The following CLIP1 variants were observed in gnomAD, a reference collection of about 807,000 sequenced individuals.
CLIP1 encodes the protein CAP-Gly domain-containing linker protein 1.
In CLIP1, 66 loss-of-function variants were observed where a neutral mutation model predicts 161.6. That is an observed-to-expected ratio of 0.41 (90% CI 0.33 to 0.50). The LOEUF (loss-of-function observed/expected upper bound fraction) is 0.50. Among genes scored for constraint, CLIP1 ranks in the 20% least tolerant of loss-of-function variants. The pLI, the probability that CLIP1 is intolerant of heterozygous loss-of-function variation, is 0.27. For missense variants in CLIP1, 1,376 were observed against 1,702.0 expected (o/e 0.81, Z 3.37); for synonymous variants, 598 against 626.2 (o/e 0.96, Z 0.67).
chr12:122,381,389 T>C (rs61954422), intron 1 of CLIP1, among the ~76,000 whole-genome samples: 19,819 of 152,136 alleles, frequency 0.13, 1,671 homozygotes, highest in East Asian at 0.45. Flanking sequence ...TGAGGGAAAA[T>C]TACCTTGTTT....
intron 1 of CLIP1, among the ~76,000 whole-genome samples, chr12:122,397,056 G>A (rs1184998595): frequency 7.5e-5 from 11 of 146,246 alleles, no homozygotes; most frequent in Non-Finnish European, 1.0e-4. Flanking sequence ...TGGGATTACA[G>A]GCGTAAGCCA....
rs1422268493 is a variant in CLIP1, at chr12:122,410,446, G to GAC, written c.-107+12073_-107+12074dup. On this transcript the variant is annotated intron_variant, in intron 1 of 25. Transcript: ENST00000620786. ...ACACACACACATATATATACACACA[G>GAC]ACACACACACACTTTTTTTTTTTTT... Among the ~76,000 whole-genome samples, 4 of 145,358 alleles carry GAC rather than the reference G, an allele frequency of 2.8e-5. No homozygotes were observed. In the South Asian group the frequency reaches 8.6e-4, roughly 31 times the overall value.
intron 1 of CLIP1, among the ~76,000 whole-genome samples, chr12:122,417,277 CA>C (rs1353141077): frequency 2.0e-5 from 3 of 151,888 alleles, no homozygotes; most frequent in African/African-American, 7.3e-5. Flanking sequence ...GCCTGGGGGA[CA>C]AAAACAAGAT....
intron 12 of CLIP1, 149 bp downstream of exon 12, chr12:122,336,483 C>T (rs1952228634): frequency 9.1e-6 from 5 of 546,844 alleles, no homozygotes; most frequent in Non-Finnish European, 1.6e-5. Flanking sequence ...CCTCAAAGGA[C>T]AATATTTATC....
chr12:122,403,494 G>GTTTTT (rs1036910823), intron 1 of CLIP1, among the ~76,000 whole-genome samples: 3 of 55,810 alleles, frequency 5.4e-5, no homozygotes, highest in Admixed American at 2.7e-4. Context: ...ATCATTTCTT[G>GTTTTT]TTTTGTTTTT....
At chr12:122,304,273 G>C (rs1029944438) in intron 20 of CLIP1, among the ~76,000 whole-genome samples, 2 of 152,228 alleles carry the variant, frequency 1.3e-5, no homozygotes, top group Non-Finnish European at 2.9e-5. Flanking sequence ...AAATTCTCAG[G>C]ATTTTGCTGT....
chr12:122,326,397 T>C (rs1951713215), intron 17 of CLIP1, among the ~76,000 whole-genome samples: 1 of 152,164 alleles, frequency 6.6e-6, no homozygotes, highest in Admixed American at 6.6e-5. Context: ...CTTGTGAGAC[T>C]GGCCAGGAAC....
At chr12:122,307,562 T>A (rs949457322) in intron 20 of CLIP1, among the ~76,000 whole-genome samples, 10 of 152,232 alleles carry the variant, frequency 6.6e-5, no homozygotes, top group African/African-American at 2.2e-4. Flanking sequence ...AAAATTATTT[T>A]TTTTAAATAG....
chr12:122,361,499 C>A (rs1184912653), intron 4 of CLIP1, among the ~76,000 whole-genome samples: 1 of 152,204 alleles, frequency 6.6e-6, no homozygotes, highest in African/African-American at 2.4e-5. Flanking sequence ...ATAGAACAAG[C>A]CCATTTAATA....
At chr12:122,370,088 T>C (rs1954364037) in intron 3 of CLIP1, among the ~76,000 whole-genome samples, 1 of 150,886 alleles carries the variant, frequency 6.6e-6, no homozygotes, top group South Asian at 2.1e-4. Flanking sequence ...GCTTGAGCCC[T>C]GTAGGCAGAG....
intron 21 of CLIP1, among the ~76,000 whole-genome samples, chr12:122,285,300 CACT>C (rs899984514): frequency 7.3e-5 from 11 of 150,826 alleles, no homozygotes; most frequent in Non-Finnish European, 1.3e-4. Context: ...GATCTCGGCT[CACT>C]ACAACCTCCA....
At position 122,320,074 on chromosome 12, in the gene CLIP1, A is replaced by AC. The variant is rs556406309; in HGVS notation, c.3250-727dup. 3.3e-3 allele frequency among the ~76,000 whole-genome samples: 500 copies of AC among 150,416 alleles called. 4 individuals are homozygous for AC. The highest frequency in any genetic ancestry group is 6.3e-3 in the South Asian group (30 of 4,730). ...CGGATCACGAGGTCAAGATATTGAG[A>AC]CCATCCTGGCCAACATAGTGAAACC... On this transcript the variant is annotated intron_variant, in intron 17 of 25. Transcript: ENST00000620786.
chr12:122,326,604 G>A (rs1184001739), intron 17 of CLIP1, among the ~76,000 whole-genome samples: 2 of 152,248 alleles, frequency 1.3e-5, no homozygotes, highest in South Asian at 4.1e-4. Flanking sequence ...ACTTGAGCCC[G>A]AGAGGTTGAG....
At position 122,373,639 on chromosome 12, in the gene CLIP1, C is replaced by A. The variant is rs1183346060; in HGVS notation, c.657+3750G>T. Among the ~76,000 whole-genome samples, 4 of 151,940 alleles carry A rather than the reference C, an allele frequency of 2.6e-5. No individual in the cohort carries two copies. In the East Asian group the frequency reaches 5.8e-4, roughly 22 times the overall value. On this transcript the variant is annotated intron_variant, in intron 3 of 25. Coordinates refer to ENST00000620786, the MANE Select transcript of CLIP1 (RefSeq NM_001247997.2). ...TATTAACAATTTTAAATTATTTATACCCCTTGACTCAAATTTCATTTCTAG... is the reference window on the plus strand; with the variant it reads ...TATTAACAATTTTAAATTATTTATAACCCTTGACTCAAATTTCATTTCTAG...
chr12:122,355,093 C>T lies in CLIP1; in HGVS notation c.1203+22G>A, dbSNP rs202231059. The T allele has an allele frequency of 5.8e-5, 93 of 1,609,044 alleles. No homozygotes were observed. Among genetic ancestry groups the T allele is most frequent in the African/African-American group, 1.1e-4 (8 of 74,950 alleles). On this transcript the variant is annotated intron_variant, in intron 6 of 25. Transcript: ENST00000620786. This position sits in a 1 kb window ranked among gnomAD's most constrained non-coding sequence, Gnocchi z 4.1. ...TGGCTTTAGAAACCATCACCATCTC[C>T]GCAACAAGGTCCAGACTTCACCTGG...
Position 122,355,437 on chromosome 12 carries a change from C to T in CLIP1, c.1006-125G>A. The T allele has an allele frequency of 1.3e-6, 1 of 774,196 alleles. No homozygotes were observed. The allele number at this position is 774,196 out of a possible 1,614,324, so 48.0% of individuals were successfully genotyped here. A position where few individuals can be genotyped will look rare whatever the true frequency, so the allele number is the denominator to read the frequency against. On this transcript the variant is annotated intron_variant, in intron 5 of 25. Coordinates refer to ENST00000620786, the MANE Select transcript of CLIP1 (RefSeq NM_001247997.2). The surrounding 1 kb of genome is among the most constrained non-coding windows in gnomAD (Gnocchi z 4.1). ...GCGCTGCTCCAGCTGGCAGGCTGGCCAGGATTAGGAAAGGCTTCCTCAAAA... is the reference window on the plus strand; with the variant it reads ...GCGCTGCTCCAGCTGGCAGGCTGGCTAGGATTAGGAAAGGCTTCCTCAAAA...
chr12:122,376,168 C>G (rs1954719740), intron 3 of CLIP1, among the ~76,000 whole-genome samples: 1 of 152,050 alleles, frequency 6.6e-6, no homozygotes, highest in Admixed American at 6.6e-5. Flanking sequence ...GAACTCCTGA[C>G]CTCAAGTGAT....
intron 21 of CLIP1, among the ~76,000 whole-genome samples, chr12:122,283,755 TTTC>T (rs1209432864): frequency 6.6e-6 from 1 of 152,182 alleles, no homozygotes; most frequent in African/African-American, 2.4e-5. Flanking sequence ...CGGATTCTAA[TTTC>T]TTCATGATAA....
intron 5 of CLIP1, among the ~76,000 whole-genome samples, chr12:122,356,626 C>T (rs1953381537): frequency 6.6e-6 from 1 of 151,864 alleles, no homozygotes; most frequent in Admixed American, 6.6e-5. Context: ...CTCCCTCTCT[C>T]CCTCTCCCTC....
Sources: allele counts gnomAD v4.1 joint callset (sites outside exome capture counted in the v4.1 genomes callset), GRCh38; gene constraint gnomAD v4.1.1; non-coding constraint Gnocchi (gnomAD v3.1); transcripts MANE v1.5; gene names NCBI Gene and HGNC (gene_info 2026-07-23, HGNC 2026-07-21).